Variants in CNTNAP2 observed in about 807,000 individuals in gnomAD.
CNTNAP2 encodes the protein contactin associated protein 2, also known as contactin-associated protein-like 2.
A neutral mutation model predicts 155.2 loss-of-function variants in CNTNAP2; 98 were observed. That is an observed-to-expected ratio of 0.63 (90% CI 0.54 to 0.75). The LOEUF is 0.75. CNTNAP2 is among the 30% of genes least tolerant of loss of function. The probability of loss-of-function intolerance (pLI) is 0.00; values close to 1 mark genes in which losing one functional copy is unlikely to be tolerated. For synonymous variants in CNTNAP2, 651 were observed against 631.2 expected (o/e 1.03, Z -0.47); for missense variants, 1,727 against 1,688.1 (o/e 1.02, Z -0.40).
intron 1 of CNTNAP2, among the ~76,000 whole-genome samples, chr7:146,771,070 C>T (rs560794996): frequency 2.0e-5 from 3 of 152,206 alleles, no homozygotes; most frequent in Admixed American, 6.6e-5. Flanking sequence ...TCAAAACTTT[C>T]CTTGAGAAGG....
intron 1 of CNTNAP2, among the ~76,000 whole-genome samples, chr7:146,535,432 A>ATATATGATATAATATATGATATATATAT (rs1797852806): frequency 8.7e-6 from 1 of 115,004 alleles, no homozygotes; most frequent in African/African-American, 3.8e-5. Flanking sequence ...TATATATATT[A>ATATATGATATAATATATGATATATATAT]TATACATGGT....
intron 14 of CNTNAP2, among the ~76,000 whole-genome samples, chr7:147,926,116 G>A (rs1161796932): frequency 2.0e-5 from 3 of 152,152 alleles, no homozygotes; most frequent in Non-Finnish European, 4.4e-5. Flanking sequence ...TGATATTTGA[G>A]CTGATTATAC....
intron 1 of CNTNAP2, among the ~76,000 whole-genome samples, chr7:146,434,394 G>A (rs1796212970): frequency 2.0e-5 from 3 of 152,024 alleles, no homozygotes; most frequent in Admixed American, 6.6e-5. Flanking sequence ...TGTTGTCAGG[G>A]GACTCTCTGG....
chr7:147,766,143 G>C (rs1797379869), intron 13 of CNTNAP2, among the ~76,000 whole-genome samples: 1 of 152,120 alleles, frequency 6.6e-6, no homozygotes, highest in Non-Finnish European at 1.5e-5. Context: ...TCTTGATTGA[G>C]GAGGTGACAC....
chr7:146,974,254 T>C (rs1797862171), intron 3 of CNTNAP2, among the ~76,000 whole-genome samples: 1 of 151,974 alleles, frequency 6.6e-6, no homozygotes, highest in African/African-American at 2.4e-5. Context: ...AAGACCAGCC[T>C]GGCCAACATG....
intron 15 of CNTNAP2, among the ~76,000 whole-genome samples, chr7:148,069,484 C>T (rs1409558589): frequency 1.3e-5 from 2 of 151,988 alleles, no homozygotes; most frequent in South Asian, 4.1e-4. Flanking sequence ...AGGGCGAGGC[C>T]GGGCACGGTG....
intron 13 of CNTNAP2, among the ~76,000 whole-genome samples, chr7:147,898,967 G>A (rs1799816852): frequency 1.2e-5 from 1 of 82,700 alleles, no homozygotes; most frequent in South Asian, 3.5e-4. Flanking sequence ...ATTGCAAAAT[G>A]TCTTTTTTAG....
intron 11 of CNTNAP2, chr7:147,497,272 G>A (rs1584771775): frequency 1.3e-5 from 2 of 152,274 alleles, no homozygotes; most frequent in East Asian, 1.9e-4. Context: ...TCATCCCAAA[G>A]CTGCCATAGA....
intron 11 of CNTNAP2, among the ~76,000 whole-genome samples, chr7:147,517,361 G>T (rs1254333015): frequency 3.9e-5 from 6 of 152,152 alleles, no homozygotes; most frequent in Non-Finnish European, 8.8e-5. Flanking sequence ...AATACAGCAG[G>T]CAGGGAGAAC....
At chr7:147,956,683 T>C (rs1801021408) in intron 14 of CNTNAP2, among the ~76,000 whole-genome samples, 1 of 152,200 alleles carries the variant, frequency 6.6e-6, no homozygotes, top group Admixed American at 6.5e-5. Flanking sequence ...TTGATTGGAC[T>C]TTTCATCCAT....
At chr7:146,582,031 A>G (rs796510632) in intron 1 of CNTNAP2, among the ~76,000 whole-genome samples, 7 of 152,282 alleles carry the variant, frequency 4.6e-5, no homozygotes, top group African/African-American at 1.7e-4. Context: ...TGATCTGGCA[A>G]TAAGAAAAAA....
intron 20 of CNTNAP2, among the ~76,000 whole-genome samples, chr7:148,251,679 C>T (rs1796364843): frequency 1.3e-5 from 2 of 152,202 alleles, no homozygotes; most frequent in South Asian, 4.1e-4. Flanking sequence ...CATCACTGCT[C>T]TTCTAGCTAG....
chr7:147,332,867 A>T (rs1795597102), intron 9 of CNTNAP2, among the ~76,000 whole-genome samples: 1 of 152,172 alleles, frequency 6.6e-6, no homozygotes, highest in Admixed American at 6.5e-5. Context: ...ACCTCAAAAA[A>T]TAATAATCAT....
intron 13 of CNTNAP2, among the ~76,000 whole-genome samples, chr7:147,719,677 T>C (rs1286129496): frequency 6.6e-6 from 1 of 152,116 alleles, no homozygotes; most frequent in Non-Finnish European, 1.5e-5. Flanking sequence ...ACTAGGGAAC[T>C]AAGTCTAAGC....
At chr7:147,528,220 A>C (rs548707212) in intron 11 of CNTNAP2, among the ~76,000 whole-genome samples, 77 of 152,354 alleles carry the variant, frequency 5.1e-4, no homozygotes, top group African/African-American at 1.8e-3. Context: ...GGCTGAACTC[A>C]GAAGAATATT....
chr7:148,075,709 A>G (rs1294741193), intron 15 of CNTNAP2, among the ~76,000 whole-genome samples: 2 of 152,222 alleles, frequency 1.3e-5, no homozygotes, highest in East Asian at 3.8e-4. Context: ...GCTGTCATTG[A>G]CAGGGAAAGT....
chr7:146,703,244 C>T (rs905484974), intron 1 of CNTNAP2, among the ~76,000 whole-genome samples: 2 of 152,096 alleles, frequency 1.3e-5, no homozygotes, highest in Admixed American at 6.6e-5. Context: ...CATGTGGTCT[C>T]AGCATGGTGA....
At chr7:147,340,162 TTC>T (rs1394127780) in intron 9 of CNTNAP2, among the ~76,000 whole-genome samples, 2 of 152,158 alleles carry the variant, frequency 1.3e-5, no homozygotes, top group East Asian at 3.9e-4. Flanking sequence ...CAGAAAACAA[TTC>T]TGTGTGTCCA....
At chr7:148,374,438 C>T (rs1411546242) in intron 21 of CNTNAP2, among the ~76,000 whole-genome samples, 3 of 152,130 alleles carry the variant, frequency 2.0e-5, no homozygotes, top group Non-Finnish European at 4.4e-5. Context: ...TCCCCATTGT[C>T]GCAAATTCTC....
Sources: allele counts gnomAD v4.1 joint callset (sites outside exome capture counted in the v4.1 genomes callset), GRCh38; gene constraint gnomAD v4.1.1; transcripts MANE v1.5; gene names NCBI Gene and HGNC (gene_info 2026-07-23, HGNC 2026-07-21).